The following SOX6 variants were observed in gnomAD, a reference collection of about 807,000 sequenced individuals.
SOX6 encodes the protein transcription factor SOX-6.
SOX6 carries 11 observed loss-of-function variants against 97.8 expected under a neutral mutation model. The observed-to-expected ratio is 0.11, with a 90% CI of 0.07 to 0.19. The LOEUF is 0.19. Ranked by LOEUF, SOX6 falls within the 10% of genes least tolerant of loss-of-function variation. SOX6 has a pLI of 1.00. For synonymous variants in SOX6, 360 were observed against 371.4 expected (o/e 0.97, Z 0.35); for missense variants, 810 against 1,039.5 (o/e 0.78, Z 3.04).
At chr11:16,055,309 C>T (rs182195302) in intron 10 of SOX6, among the ~76,000 whole-genome samples, 28 of 152,208 alleles carry the variant, frequency 1.8e-4, no homozygotes, top group African/African-American at 6.3e-4. Context: ...ACGAACCATA[C>T]AGAGTCCGAC....
At chr11:16,188,092 C>T (rs1320647171) in intron 4 of SOX6, among the ~76,000 whole-genome samples, 19 of 151,838 alleles carry the variant, frequency 1.3e-4, no homozygotes, top group Admixed American at 1.1e-3. Context: ...TTTAAAGTAG[C>T]CCAAAGGAGA....
intron 4 of SOX6, among the ~76,000 whole-genome samples, chr11:16,606,313 A>T (rs1281295684): frequency 6.6e-6 from 1 of 150,386 alleles, no homozygotes; most frequent in Non-Finnish European, 1.5e-5. Context: ...TTTCAGTGTA[A>T]CTTTCTCTAA....
intron 4 of SOX6, among the ~76,000 whole-genome samples, chr11:16,539,900 G>T (rs1861376024): frequency 6.6e-6 from 1 of 152,136 alleles, no homozygotes; most frequent in Non-Finnish European, 1.5e-5. Context: ...ACAAAGAGGA[G>T]CTGGTACCAT....
intron 4 of SOX6, among the ~76,000 whole-genome samples, chr11:16,559,804 A>G (rs1050286991): frequency 1.3e-5 from 2 of 152,064 alleles, no homozygotes; most frequent in Non-Finnish European, 2.9e-5. Context: ...AATTTGCACA[A>G]TATTTATTTG....
chr11:16,240,561 G>C (rs1023837360), intron 3 of SOX6, among the ~76,000 whole-genome samples: 4 of 151,774 alleles, frequency 2.6e-5, no homozygotes, highest in African/African-American at 7.3e-5. Flanking sequence ...TGTTCTATAG[G>C]TGCAGGTAAG....
At chr11:16,246,898 T>A (rs1412803873) in intron 3 of SOX6, among the ~76,000 whole-genome samples, 1 of 152,174 alleles carries the variant, frequency 6.6e-6, no homozygotes, top group African/African-American at 2.4e-5. Context: ...TATTTGCCAT[T>A]TCTTTGTGTT....
intron 6 of SOX6, among the ~76,000 whole-genome samples, chr11:16,139,970 T>C (rs1194679965): frequency 6.7e-6 from 1 of 148,270 alleles, no homozygotes; most frequent in South Asian, 2.1e-4. Flanking sequence ...TATATATATA[T>C]ATACATATAA....
intron 2 of SOX6, among the ~76,000 whole-genome samples, chr11:16,726,361 G>A (rs537049093): frequency 6.6e-6 from 1 of 152,312 alleles, no homozygotes; most frequent in East Asian, 1.9e-4. Context: ...AGGTTGCAGT[G>A]AGCTGAGATC....
At chr11:16,191,744 A>C (rs1482026167) in intron 4 of SOX6, among the ~76,000 whole-genome samples, 1 of 152,140 alleles carries the variant, frequency 6.6e-6, no homozygotes, top group African/African-American at 2.4e-5. Flanking sequence ...GCTTCTCTAC[A>C]AGTCAGCATG....
intron 4 of SOX6, among the ~76,000 whole-genome samples, chr11:16,551,288 T>C (rs548931532): frequency 1.6e-4 from 25 of 152,286 alleles, no homozygotes; most frequent in Middle Eastern, 6.8e-3. Flanking sequence ...AGGTTAAAGT[T>C]GCAGTTAGCT....
At chr11:16,106,407 T>A (rs939400388) in intron 7 of SOX6, among the ~76,000 whole-genome samples, 4 of 151,862 alleles carry the variant, frequency 2.6e-5, no homozygotes, top group African/African-American at 9.7e-5. Flanking sequence ...TTAAATATAA[T>A]AGAAAGCTCA....
chr11:16,627,876 T>A (rs1848646101), intron 3 of SOX6, among the ~76,000 whole-genome samples: 1 of 152,192 alleles, frequency 6.6e-6, no homozygotes, highest in South Asian at 2.1e-4. Context: ...TTAGCAAGGC[T>A]GAAGTCCAGA....
At chr11:16,550,038 C>T (rs1847665015) in intron 4 of SOX6, among the ~76,000 whole-genome samples, 1 of 152,092 alleles carries the variant, frequency 6.6e-6, no homozygotes, top group African/African-American at 2.4e-5. Flanking sequence ...ACCCAGCCAT[C>T]CCATTACTGG....
chr11:16,295,187 T>A (rs12285597), intron 3 of SOX6, among the ~76,000 whole-genome samples: 15,453 of 152,090 alleles, frequency 0.1, 826 homozygotes, highest in African/African-American at 0.12. Flanking sequence ...ATTCATCCTA[T>A]GCTATTTTTT....
chr11:16,655,218 C>CA (rs1347006213), intron 3 of SOX6, among the ~76,000 whole-genome samples: 2 of 151,818 alleles, frequency 1.3e-5, no homozygotes, highest in Non-Finnish European at 2.9e-5. Context: ...AAAGGACTGA[C>CA]GTTTGGTTCC....
At chr11:16,082,870 C>G (rs1483526404) in intron 9 of SOX6, among the ~76,000 whole-genome samples, 1 of 152,188 alleles carries the variant, frequency 6.6e-6, no homozygotes, top group Admixed American at 6.5e-5. Context: ...GATCTGACCC[C>G]TTGCATACCT....
At chr11:16,619,385 A>G (rs768888376) in intron 3 of SOX6, among the ~76,000 whole-genome samples, 1 of 151,812 alleles carries the variant, frequency 6.6e-6, no homozygotes, top group Non-Finnish European at 1.5e-5. Context: ...ACTCAAAATG[A>G]TGAATCTTCT....
At chr11:16,377,781 C>T (rs1054036384) in intron 1 of SOX6, among the ~76,000 whole-genome samples, 8 of 152,108 alleles carry the variant, frequency 5.3e-5, no homozygotes, top group South Asian at 2.1e-4. Flanking sequence ...CTCCTCCATA[C>T]CCAGAAAATA....
At chr11:16,369,102 T>C (rs182922704) in intron 1 of SOX6, among the ~76,000 whole-genome samples, 3 of 151,954 alleles carry the variant, frequency 2.0e-5, no homozygotes, top group East Asian at 1.9e-4. Flanking sequence ...AAAGAATGTA[T>C]ACGAATGACA....
Sources: gnomAD v4.1 joint callset for allele counts (sites outside exome capture counted in the v4.1 genomes callset) on GRCh38, gnomAD v4.1.1 for gene constraint, MANE v1.5 for transcripts, NCBI Gene and HGNC (gene_info 2026-07-23, HGNC 2026-07-21) for gene names.